ATP10A: variants seen among roughly 807,000 people sequenced by gnomAD.
ATP10A encodes ATPase phospholipid transporting 10A (putative).
In ATP10A, 111 loss-of-function variants were observed where a neutral mutation model predicts 147.8. That is an observed-to-expected ratio of 0.75 (90% CI 0.64 to 0.88). ATP10A has a LOEUF of 0.88. ATP10A is among the 40% of genes least tolerant of loss of function. ATP10A has a pLI of 0.00. For missense variants in ATP10A, 1,927 were observed against 1,959.0 expected (o/e 0.98, Z 0.31); for synonymous variants, 875 against 841.6 (o/e 1.04, Z -0.69).
chr15:25,681,985 C>T (rs1899440559), intron 17 of ATP10A, among the ~76,000 whole-genome samples: 2 of 142,642 alleles, frequency 1.4e-5, no homozygotes, highest in African/African-American at 2.6e-5. Flanking sequence ...ACCCGGGAGG[C>T]GGAGCTTGCA....
intron 1 of ATP10A, among the ~76,000 whole-genome samples, chr15:25,824,144 A>G (rs1367699710): frequency 7.8e-5 from 1 of 12,778 alleles, no homozygotes; most frequent in East Asian, 0.12. Flanking sequence ...CCTACTATTA[A>G]AGAGAAAAAA....
intron 1 of ATP10A, among the ~76,000 whole-genome samples, chr15:25,786,792 G>GTT (rs60057456): frequency 0.022 from 3,032 of 135,262 alleles, 148 homozygotes; most frequent in African/African-American, 0.077. Context: ...TGCCCAGCTA[G>GTT]TTTTTTTTTT....
chr15:25,714,177 G>T lies in ATP10A; in HGVS notation c.1841C>A (p.Thr614Lys). 1 of 1,607,916 alleles carries T rather than the reference G, an allele frequency of 6.2e-7. No homozygotes were observed. Residue 614 changes from threonine to lysine, a missense_variant, in exon 10 of 21, where the codon ACA becomes AAA. Thr to Lys is a moderately conservative substitution (Grantham distance 78). Transcript: ENST00000555815. Reference sequence around the variant, plus strand: ...GCAGCCTGAGGTCAGGCAGCTGGGTGTGAACCTCCGCAGGAAGTCTTCTAT... The same window carrying T: ...GCAGCCTGAGGTCAGGCAGCTGGGTTTGAACCTCCGCAGGAAGTCTTCTAT... ...KTIEDFLRRFTPSCLTSGCSS... is the reference protein window; with the variant it reads ...KTIEDFLRRFKPSCLTSGCSS...
At chr15:25,795,302 G>A (rs962510641) in intron 1 of ATP10A, among the ~76,000 whole-genome samples, 5 of 152,124 alleles carry the variant, frequency 3.3e-5, no homozygotes, top group African/African-American at 9.7e-5. Flanking sequence ...CTAAGACACA[G>A]GCCCACGGAG....
At chr15:25,772,627 T>C (rs762875242) in intron 2 of ATP10A, among the ~76,000 whole-genome samples, 4 of 152,148 alleles carry the variant, frequency 2.6e-5, no homozygotes, top group South Asian at 2.1e-4. Flanking sequence ...ACCACACAAA[T>C]GAAAGGGCTT....
chr15:25,750,121 C>G (rs534905216), intron 2 of ATP10A, among the ~76,000 whole-genome samples: 5 of 151,784 alleles, frequency 3.3e-5, no homozygotes, highest in African/African-American at 1.2e-4. Flanking sequence ...TCTCAAACCC[C>G]CAAATTATGA....
chr15:25,777,877 G>A (rs1231039179), intron 2 of ATP10A, among the ~76,000 whole-genome samples: 1 of 150,278 alleles, frequency 6.7e-6, no homozygotes, highest in East Asian at 2.0e-4. Context: ...CTCCCAAAGT[G>A]CTGGGATTAT....
rs79431783 is a variant in ATP10A at position 25,853,848 on chromosome 15, A to C, written c.449+8800T>G. 3.9e-4 allele frequency among the ~76,000 whole-genome samples: 60 copies of C among 152,028 alleles called. No individual in the cohort carries two copies. The East Asian group carries it at 0.011, about 29-fold the overall frequency. Reference sequence around the variant, plus strand: ...AAAGAATCAGCTAAAACAAAACAAAACAAAACAACCAAAAACAAGACCACT... The same window carrying C: ...AAAGAATCAGCTAAAACAAAACAAACCAAAACAACCAAAAACAAGACCACT... On this transcript the variant is annotated intron_variant, in intron 1 of 20. Coordinates refer to ENST00000555815, the MANE Select transcript of ATP10A (RefSeq NM_024490.4).
At chr15:25,763,479 C>T (rs1305115415) in intron 2 of ATP10A, among the ~76,000 whole-genome samples, 1 of 152,224 alleles carries the variant, frequency 6.6e-6, no homozygotes, top group Non-Finnish European at 1.5e-5. Flanking sequence ...AGAAGGATGC[C>T]TCTGAGAGGC....
intron 2 of ATP10A, among the ~76,000 whole-genome samples, chr15:25,737,214 G>A (rs975683698): frequency 5.3e-5 from 8 of 152,276 alleles, no homozygotes; most frequent in South Asian, 2.1e-4. Context: ...ATGGCCTCTC[G>A]CTCTATTTCC....
chr15:25,711,799 G>A (rs180954448), intron 10 of ATP10A, among the ~76,000 whole-genome samples: 3 of 152,320 alleles, frequency 2.0e-5, no homozygotes, highest in East Asian at 1.9e-4. Flanking sequence ...GCAAAGCCAC[G>A]CTGACGATGC....
intron 12 of ATP10A, 28 bp downstream of exon 12, chr15:25,707,948 T>C: frequency 6.2e-7 from 1 of 1,612,422 alleles, no homozygotes; most frequent in Non-Finnish European, 8.5e-7. Context: ...CACACTGCCC[T>C]TAGGCATGCG....
chr15:25,771,818 C>T (rs1042645044), intron 2 of ATP10A, among the ~76,000 whole-genome samples: 2 of 151,368 alleles, frequency 1.3e-5, no homozygotes, highest in Admixed American at 6.6e-5. Context: ...GGCATGATCT[C>T]GGCTCACTGC....
chr15:25,797,565 G>A (rs892128217), intron 1 of ATP10A, among the ~76,000 whole-genome samples: 26 of 152,230 alleles, frequency 1.7e-4, no homozygotes, highest in Middle Eastern at 3.4e-3. Context: ...CTCTACATAC[G>A]GAGACATGAC....
intron 2 of ATP10A, among the ~76,000 whole-genome samples, chr15:25,744,146 AC>A (rs1887716407): frequency 1.3e-5 from 2 of 152,074 alleles, no homozygotes; most frequent in African/African-American, 4.8e-5. Context: ...TTAATACAAC[AC>A]GGTGCCACTG....
At chr15:25,718,904 A>C (rs1279001439) in intron 7 of ATP10A, among the ~76,000 whole-genome samples, 2 of 152,174 alleles carry the variant, frequency 1.3e-5, no homozygotes, top group African/African-American at 4.8e-5. Context: ...CAGATTGCAC[A>C]GCTTGGACCC....
At chr15:25,701,887 G>A in intron 13 of ATP10A, 29 bp downstream of exon 13, 1 of 1,558,818 alleles carries the variant, frequency 6.4e-7, no homozygotes, top group South Asian at 1.2e-5. Context: ...CCCAGGGGAA[G>A]GAAGCGGAGC....
chr15:25,780,027 G>A (rs1471491626), intron 2 of ATP10A, among the ~76,000 whole-genome samples: 3 of 152,270 alleles, frequency 2.0e-5, no homozygotes, highest in African/African-American at 4.8e-5. Context: ...GACGGTGACC[G>A]GGGGCATCTA....
chr15:25,736,996 G>A (rs192471571), intron 2 of ATP10A, among the ~76,000 whole-genome samples: 9 of 152,248 alleles, frequency 5.9e-5, no homozygotes, highest in South Asian at 2.1e-4. Context: ...TGGCTCTGCC[G>A]CAACCACACA....
Sources: gnomAD v4.1 joint callset for allele counts (sites outside exome capture counted in the v4.1 genomes callset) on GRCh38, gnomAD v4.1.1 for gene constraint, MANE v1.5 for transcripts, NCBI Gene and HGNC (gene_info 2026-07-23, HGNC 2026-07-21) for gene names.